Variants in MAN2A1 observed in about 807,000 individuals in gnomAD.
The protein encoded by MAN2A1 is mannosidase alpha class 2A member 1, also known as alpha-mannosidase 2.
MAN2A1 carries 76 observed loss-of-function variants against 142.6 expected under a neutral mutation model. The ratio of observed to expected loss-of-function variants is 0.53; its 90% CI spans 0.44 to 0.65. The LOEUF (loss-of-function observed/expected upper bound fraction) is 0.65. MAN2A1 is among the 30% of genes least tolerant of loss of function. MAN2A1 has a pLI of 0.00. For synonymous variants in MAN2A1, 559 were observed against 473.2 expected (o/e 1.18, Z -2.35); for missense variants, 1,311 against 1,365.1 (o/e 0.96, Z 0.62).
At chr5:109,735,260 G>A (rs867903277) in intron 4 of MAN2A1, among the ~76,000 whole-genome samples, 20 of 152,134 alleles carry the variant, frequency 1.3e-4, no homozygotes, top group African/African-American at 3.4e-4. Context: ...TTGAGCCTAT[G>A]TGTGTCTCTG....
chr5:109,730,705 T>C (rs1751879390), intron 4 of MAN2A1, among the ~76,000 whole-genome samples: 1 of 152,222 alleles, frequency 6.6e-6, no homozygotes, highest in African/African-American at 2.4e-5. Flanking sequence ...CTAAGCACTT[T>C]ACAAATTGTA....
chr5:109,826,409 T>C (rs1195026128), intron 16 of MAN2A1, among the ~76,000 whole-genome samples: 1 of 152,216 alleles, frequency 6.6e-6, no homozygotes, highest in Non-Finnish European at 1.5e-5. Flanking sequence ...TAAATCTTTT[T>C]TCATTCTAGT....
At chr5:109,699,085 T>A (rs1750898399) in intron 1 of MAN2A1, among the ~76,000 whole-genome samples, 1 of 152,236 alleles carries the variant, frequency 6.6e-6, no homozygotes, top group Admixed American at 6.5e-5. Flanking sequence ...CTGTTTGATA[T>A]ACATTAACAG....
chr5:109,802,246 T>C (rs937958361), intron 12 of MAN2A1, among the ~76,000 whole-genome samples: 4 of 152,146 alleles, frequency 2.6e-5, no homozygotes, highest in Non-Finnish European at 5.9e-5. Flanking sequence ...CAGGGGTAGA[T>C]GTATGTGAGG....
chr5:109,737,804 C>T (rs773786324), intron 4 of MAN2A1, among the ~76,000 whole-genome samples: 3 of 152,052 alleles, frequency 2.0e-5, no homozygotes, highest in Non-Finnish European at 4.4e-5. Context: ...ATATATATGT[C>T]AGTTTACCTT....
At chr5:109,817,546 G>A in intron 13 of MAN2A1, 108 bp downstream of exon 13, 3 of 1,094,096 alleles carry the variant, frequency 2.7e-6, no homozygotes, top group Non-Finnish European at 4.0e-6. Flanking sequence ...TGGTGTATGT[G>A]AGGTGATGAA....
intron 3 of MAN2A1, among the ~76,000 whole-genome samples, chr5:109,725,126 C>T (rs1397801545): frequency 1.3e-5 from 2 of 152,002 alleles, no homozygotes; most frequent in Non-Finnish European, 2.9e-5. Flanking sequence ...TACACAGAGG[C>T]CCACATACCC....
At chr5:109,816,779 G>T (rs1339441852) in intron 12 of MAN2A1, among the ~76,000 whole-genome samples, 1 of 151,990 alleles carries the variant, frequency 6.6e-6, no homozygotes. Context: ...TTTTTCTGGG[G>T]TACAGAAAAG....
chr5:109,755,493 G>T, intron 5 of MAN2A1, 37 bp downstream of exon 5: 1 of 1,558,770 alleles, frequency 6.4e-7, no homozygotes, highest in Admixed American at 1.8e-5. Flanking sequence ...GGCTATTTTG[G>T]ACAGTTAATT....
intron 16 of MAN2A1, among the ~76,000 whole-genome samples, chr5:109,828,516 T>C (rs993608230): frequency 6.6e-6 from 1 of 152,230 alleles, no homozygotes; most frequent in Non-Finnish European, 1.5e-5. Flanking sequence ...TCTTCAGAGC[T>C]GTAATTATTG....
chr5:109,845,851 G>T lies in MAN2A1; in HGVS notation c.2701-14G>T. 1 of 1,601,728 alleles carries T rather than the reference G, an allele frequency of 6.2e-7. No individual in the cohort carries two copies. The highest frequency in any genetic ancestry group is 8.5e-7 in the Non-Finnish European group (1 of 1,174,514). On this transcript the variant is annotated splice_polypyrimidine_tract_variant and intron_variant, in intron 17 of 21. Coordinates refer to ENST00000261483, the MANE Select transcript of MAN2A1 (RefSeq NM_002372.4). ...AATATCACTTTTTGTAGATGGAATT[G>T]TTGTGTTTTATAGATTCAACCTAGA...
intron 1 of MAN2A1, 55 bp downstream of exon 1, chr5:109,690,607 T>C (rs1251668281): frequency 2.0e-6 from 3 of 1,538,172 alleles, no homozygotes; most frequent in Non-Finnish European, 1.7e-6. Context: ...TGCGGGCCCC[T>C]GGTTAGCGGC....
intron 12 of MAN2A1, among the ~76,000 whole-genome samples, chr5:109,798,382 G>C (rs1406419766): frequency 6.6e-6 from 1 of 152,150 alleles, no homozygotes; most frequent in Non-Finnish European, 1.5e-5. Flanking sequence ...AGTCTCCTAA[G>C]TTCTAGACCC....
rs1404121644 is a variant in MAN2A1, at chr5:109,774,819, A to C, written c.1228A>C (p.Lys410Gln). 6.2e-7 allele frequency: 1 copy of C among 1,612,476 alleles called. No individual in the cohort carries two copies. The highest frequency in any genetic ancestry group is 1.7e-5 in the Admixed American group (1 of 59,784). ...GATGCTACTAGATCAGTACCGAAAG[A>C]AGTCAAAGCTTTTTCGTACCAAAGT... ...ARMLLDQYRKKSKLFRTKVLL... is the reference protein window; with the variant it reads ...ARMLLDQYRKQSKLFRTKVLL... Residue 410 changes from lysine to glutamine, a missense_variant, in exon 8 of 22, where the codon AAG (lysine) becomes CAG (glutamine). This residue lies in a region of MAN2A1 where 890 missense variants were observed against 920.5 expected (regional missense o/e 0.97). Transcript: ENST00000261483.
chr5:109,799,754 CAA>C (rs35788147), intron 12 of MAN2A1, among the ~76,000 whole-genome samples: 10 of 115,418 alleles, frequency 8.7e-5, no homozygotes, highest in Non-Finnish European at 3.7e-5. Flanking sequence ...AACTCCGTCT[CAA>C]AAAAAAAAAA....
At chr5:109,771,368 A>G (rs562308269) in intron 7 of MAN2A1, among the ~76,000 whole-genome samples, 1 of 152,340 alleles carries the variant, frequency 6.6e-6, no homozygotes, top group South Asian at 2.1e-4. Flanking sequence ...CTTAAAAAAA[A>G]GTGTGTGAGG....
rs3797677 is a variant in MAN2A1, at chr5:109,842,319, T to A, written c.2567-9T>A. 2,362 of 1,503,154 alleles carry A rather than the reference T, an allele frequency of 1.6e-3. 79 individuals carry two copies. The East Asian group carries it at 0.047, about 30-fold the overall frequency. The allele number at this position is 1,503,154 out of a possible 1,614,324, so 93.1% of individuals were successfully genotyped here. On this transcript the variant is annotated splice_polypyrimidine_tract_variant and intron_variant, in intron 16 of 21. Coordinates refer to ENST00000261483, the MANE Select transcript of MAN2A1 (RefSeq NM_002372.4). Reference sequence around the variant, plus strand: ...TTCTATTAATCCATATATATTTTTTTAAATTTAGGAATAGAAGGACAGTCT... The same window carrying A: ...TTCTATTAATCCATATATATTTTTTAAAATTTAGGAATAGAAGGACAGTCT...
At chr5:109,848,585 T>C (rs575476962) in intron 19 of MAN2A1, among the ~76,000 whole-genome samples, 12 of 152,238 alleles carry the variant, frequency 7.9e-5, no homozygotes, top group Admixed American at 7.2e-4. Flanking sequence ...CTCCTCCTGT[T>C]ACATTTAAAA....
At chr5:109,693,014 ACCT>A (rs772201434) in intron 1 of MAN2A1, among the ~76,000 whole-genome samples, 17 of 151,952 alleles carry the variant, frequency 1.1e-4, no homozygotes, top group Admixed American at 2.0e-4. Flanking sequence ...TATGCCACTC[ACCT>A]CCTGCTGTGT....
Sources: allele counts gnomAD v4.1 joint callset (sites outside exome capture counted in the v4.1 genomes callset), GRCh38; gene constraint gnomAD v4.1.1; regional missense constraint gnomAD v4.1.1; transcripts MANE v1.5; gene names NCBI Gene and HGNC (gene_info 2026-07-23, HGNC 2026-07-21).